The following DUX4 variants were observed in gnomAD, a reference collection of about 807,000 sequenced individuals.
DUX4 encodes double homeobox protein 4.
intron 1 of DUX4, among the ~76,000 whole-genome samples, chr4:190,181,516 C>A (rs1742577121): frequency 0.018 from 943 of 51,710 alleles, no homozygotes; most frequent in African/African-American, 0.027. Context: ...AGAGCCTGGA[C>A]AAGAGTTACA....
At chr4:190,181,716 A>T (rs1742591420) in intron 1 of DUX4, among the ~76,000 whole-genome samples, 15 of 149,294 alleles carry the variant, frequency 1.0e-4, no homozygotes, top group East Asian at 2.0e-4. Flanking sequence ...AGGCAGATCC[A>T]ACACAAGAGT....
At chr4:190,176,006 C>T (rs1184494702), downstream of DUX4, among the ~76,000 whole-genome samples, 293 of 110,308 alleles carry the variant, frequency 2.7e-3, 46 homozygotes, top group African/African-American at 7.1e-3. Context: ...CTTAGGTGAT[C>T]AGTGTAGAGA....
At chr4:190,177,034 G>A (rs1742337596), downstream of DUX4, among the ~76,000 whole-genome samples, 567 of 143,190 alleles carry the variant, frequency 4.0e-3, no homozygotes, top group Admixed American at 5.8e-3. Context: ...GGTGATCAGT[G>A]CAGAGATATG....
chr4:190,180,154 CATCACCTGGG>C (rs1742534444), downstream of DUX4, among the ~76,000 whole-genome samples: 3 of 67,500 alleles, frequency 4.4e-5, no homozygotes, highest in South Asian at 4.2e-4. Flanking sequence ...AGAAGAGTCC[CATCACCTGGG>C]TGATCAGTGC....
chr4:190,175,653 G>T lies in DUX4; in HGVS notation c.*243G>T, dbSNP rs1398664528. 7 of 159,612 alleles carry T rather than the reference G, an allele frequency of 4.4e-5. 1 individual carries two copies. Among genetic ancestry groups the T allele is most frequent in the African/African-American group, 1.9e-4 (7 of 35,906 alleles). The allele number at this position is 159,612 out of a possible 1,614,324, so 9.9% of individuals were successfully genotyped here. On this transcript the variant is annotated 3_prime_UTR_variant, in exon 2 of 2. Transcript: ENST00000565211. ...TTGCCCGCTTCCTGGCTAGACCTGC[G>T]CGCAGTGCGCACCCCGGCTGACGTG... is the stretch of plus-strand genomic sequence containing the variant.
rs1275641863 is a variant in DUX4 at position 190,175,268 on chromosome 4, G to A, written c.*220G>A. On this transcript the variant is annotated 3_prime_UTR_variant, in exon 1 of 2. Transcript: ENST00000565211. ...TGGGCATCCCGGGGATCCCAGAGCCGGCCCAGGTACCAGCAGGTGGGCCGC... is the reference window on the plus strand; with the variant it reads ...TGGGCATCCCGGGGATCCCAGAGCCAGCCCAGGTACCAGCAGGTGGGCCGC... 10,258 of 64,870 alleles carry A rather than the reference G, an allele frequency of 0.16. 1 individual carries two copies. Among genetic ancestry groups the A allele is most frequent in the Non-Finnish European group, 0.21 (6,399 of 30,548 alleles). 4.0% of individuals were successfully genotyped at this position (64,870 alleles called of 1,614,324 possible).
At chr4:190,179,484 G>A (rs1742497038), downstream of DUX4, among the ~76,000 whole-genome samples, 1,138 of 116,216 alleles carry the variant, frequency 9.8e-3, no homozygotes, top group Middle Eastern at 0.014. Flanking sequence ...ATATCACCTG[G>A]GTGATCAGTG....
chr4:190,176,559 T>G (rs1359992771), downstream of DUX4, among the ~76,000 whole-genome samples: 3 of 17,876 alleles, frequency 1.7e-4, no homozygotes, highest in Admixed American at 6.6e-4. Flanking sequence ...ATCAGTGTAA[T>G]TATTAGTCAT....
chr4:190,183,370 TCTC>T (rs1742627416), intron 1 of DUX4: 1 of 104,940 alleles, frequency 9.5e-6, no homozygotes, highest in South Asian at 3.6e-4. Context: ...AGAAGCAGCT[TCTC>T]CTCTATGTTC....
At chr4:190,179,039 T>TAAG (rs1742473707), downstream of DUX4, among the ~76,000 whole-genome samples, 1 of 3,172 alleles carries the variant, frequency 3.2e-4, no homozygotes, top group African/African-American at 1.9e-3. Flanking sequence ...ACAAAGTCCC[T>TAAG]TTAGGCAGAT....
At chr4:190,176,109 G>T (rs1383183566), downstream of DUX4, among the ~76,000 whole-genome samples, 1 of 113,040 alleles carries the variant, frequency 8.8e-6, no homozygotes, top group African/African-American at 2.6e-5. Context: ...CCTGTAGGCA[G>T]AGTGTAGGCA....
At chr4:190,181,613 AG>A (rs1742586054) in intron 1 of DUX4, among the ~76,000 whole-genome samples, 7 of 7,154 alleles carry the variant, frequency 9.8e-4, no homozygotes, top group Admixed American at 3.6e-3. Flanking sequence ...TGATCAGTGC[AG>A]AGATATGTCA....
chr4:190,179,064 CCATT>C (rs1742475885), downstream of DUX4, among the ~76,000 whole-genome samples: 437 of 15,348 alleles, frequency 0.028, 1 homozygote, highest in Non-Finnish European at 0.033. Context: ...GAAAAGAGTC[CCATT>C]ACTTGGGTGA....
At chr4:190,181,450 G>C (rs1579837434) in intron 1 of DUX4, among the ~76,000 whole-genome samples, 152 of 85,772 alleles carry the variant, frequency 1.8e-3, no homozygotes, top group Middle Eastern at 5.8e-3. Flanking sequence ...GCGTAAGCAA[G>C]AGTTACATCA....
At chr4:190,176,324 A>G (rs1408682651), downstream of DUX4, among the ~76,000 whole-genome samples, 1 of 114,732 alleles carries the variant, frequency 8.7e-6, no homozygotes, top group African/African-American at 2.6e-5. Context: ...GAGCTTAGAC[A>G]AGTGTTACAT....
intron 1 of DUX4, chr4:190,182,177 C>CGTTAGGGT (rs1742604411): frequency 2.0e-5 from 2 of 100,346 alleles, no homozygotes; most frequent in African/African-American, 6.2e-5. Context: ...GTCACAATGG[C>CGTTAGGGT]GAGGGTGAGG....
chr4:190,179,125 AAG>A (rs1742479180), downstream of DUX4, among the ~76,000 whole-genome samples: 1 of 152,210 alleles, frequency 6.6e-6, no homozygotes. Flanking sequence ...GAGCCTAGAC[AAG>A]AGTTATATGA....
downstream of DUX4, among the ~76,000 whole-genome samples, chr4:190,178,565 T>TTGGACAGGGG (rs1742433466): frequency 1.4e-5 from 1 of 73,508 alleles, no homozygotes; most frequent in Non-Finnish European, 3.2e-5. Flanking sequence ...CAACGCCCCC[T>TTGGACAGGGG]GTAGGCAGAG....
chr4:190,175,719 T>G lies in DUX4; in HGVS notation c.*309T>G, dbSNP rs1441582324. 2 of 164,662 alleles carry G rather than the reference T, an allele frequency of 1.2e-5. No individual in the cohort carries two copies. Among genetic ancestry groups the G allele is most frequent in the African/African-American group, 2.6e-5 (1 of 38,076 alleles). 10.2% of individuals were successfully genotyped at this position (164,662 alleles called of 1,614,324 possible). A position where few individuals can be genotyped will look rare whatever the true frequency, so the allele number is the denominator to read the frequency against. Reference sequence around the variant, plus strand: ...GCCTCTCTGTGCCCTTGTTCTTCCGTGAAATTCTGGCTGAATGTCTCCCCC... The same window carrying G: ...GCCTCTCTGTGCCCTTGTTCTTCCGGGAAATTCTGGCTGAATGTCTCCCCC... On this transcript the variant is annotated 3_prime_UTR_variant, in exon 2 of 2. Coordinates refer to ENST00000565211, the MANE Select transcript of DUX4 (RefSeq NM_001306068.3).
Sources: allele counts gnomAD v4.1 joint callset (sites outside exome capture counted in the v4.1 genomes callset), GRCh38; gene constraint gnomAD v4.1.1; transcripts MANE v1.5; gene names NCBI Gene and HGNC (gene_info 2026-07-23, HGNC 2026-07-21).